MYO3A: variants seen among roughly 807,000 people sequenced by gnomAD.
The protein encoded by MYO3A is myosin IIIA.
In MYO3A, 180 loss-of-function variants were observed where a neutral mutation model predicts 192.7. The ratio of observed to expected loss-of-function variants is 0.93; its 90% confidence interval spans 0.83 to 1.06. MYO3A has a LOEUF of 1.06. MYO3A is among the 50% of genes least tolerant of loss of function. The pLI, the probability that MYO3A is intolerant of heterozygous loss-of-function variation, is 0.00. For missense variants in MYO3A, 1,896 were observed against 1,905.0 expected, an observed-to-expected ratio of 1.00 and a Z score of 0.09; for synonymous variants, 628 against 645.3, an observed-to-expected ratio of 0.97 and a Z score of 0.41.
At chr10:26,191,044 T>C (rs547034738) in intron 31 of MYO3A, among the ~76,000 whole-genome samples, 1 of 152,346 alleles carries the variant, frequency 6.6e-6, no homozygotes, top group East Asian at 1.9e-4. Context: ...TAAATAATAT[T>C]GAAGCCAAGT....
At chr10:26,056,363 AT>A (rs1427636799) in intron 10 of MYO3A, among the ~76,000 whole-genome samples, 1 of 152,198 alleles carries the variant, frequency 6.6e-6, no homozygotes, top group African/African-American at 2.4e-5. Flanking sequence ...GGTATGATAT[AT>A]ACATAATGGG....
At chr10:26,139,764 C>T (rs953618750) in intron 20 of MYO3A, among the ~76,000 whole-genome samples, 10 of 151,964 alleles carry the variant, frequency 6.6e-5, no homozygotes, top group East Asian at 1.9e-4. Context: ...TAGCCAGGCA[C>T]GCCTGTAATC....
intron 2 of MYO3A, among the ~76,000 whole-genome samples, chr10:25,948,359 AGC>A (rs899480727): frequency 6.6e-6 from 1 of 152,212 alleles, no homozygotes; most frequent in Non-Finnish European, 1.5e-5. Context: ...AAAATCCAAA[AGC>A]TCAATATATA....
intron 4 of MYO3A, among the ~76,000 whole-genome samples, chr10:25,989,879 G>A (rs1278345372): frequency 6.6e-6 from 1 of 152,070 alleles, no homozygotes; most frequent in African/African-American, 2.4e-5. Flanking sequence ...CAGGGTGATG[G>A]GCAGGGAAAC....
chr10:26,146,744 A>G (rs1029346366), intron 22 of MYO3A, among the ~76,000 whole-genome samples: 10 of 152,244 alleles, frequency 6.6e-5, no homozygotes, highest in Non-Finnish European at 1.5e-4. Flanking sequence ...TTTTAGAAGA[A>G]CACAATTTGA....
intron 17 of MYO3A, among the ~76,000 whole-genome samples, chr10:26,098,592 G>A (rs1249459484): frequency 6.6e-6 from 1 of 152,162 alleles, no homozygotes; most frequent in Non-Finnish European, 1.5e-5. Context: ...TTTTGTATAA[G>A]GTGTAAGGAA....
At chr10:25,984,405 A>G (rs1839516396) in intron 4 of MYO3A, among the ~76,000 whole-genome samples, 1 of 152,196 alleles carries the variant, frequency 6.6e-6, no homozygotes, top group Non-Finnish European at 1.5e-5. Flanking sequence ...AACTTAAGGT[A>G]AAGGGGCCAG....
At chr10:26,019,265 T>G (rs1479072959) in intron 7 of MYO3A, among the ~76,000 whole-genome samples, 1 of 111,282 alleles carries the variant, frequency 9.0e-6, no homozygotes, top group African/African-American at 3.0e-5. Flanking sequence ...ATTTATTTAT[T>G]TATTTTTTCC....
chr10:25,947,635 C>G (rs1318093228), intron 2 of MYO3A, among the ~76,000 whole-genome samples: 2 of 152,098 alleles, frequency 1.3e-5, no homozygotes, highest in East Asian at 3.9e-4. Context: ...TCAGGTGATC[C>G]ACCCACCTCT....
chr10:26,207,670 C>T (rs574020342), intron 34 of MYO3A, among the ~76,000 whole-genome samples: 1 of 152,326 alleles, frequency 6.6e-6, no homozygotes, highest in East Asian at 1.9e-4. Context: ...GTTTTACTTA[C>T]AATAGCTTTT....
intron 3 of MYO3A, among the ~76,000 whole-genome samples, chr10:25,954,270 G>A (rs1007358747): frequency 1.3e-5 from 2 of 151,956 alleles, no homozygotes; most frequent in African/African-American, 2.4e-5. Context: ...ATATATATGC[G>A]ATTTTCTAGA....
At chr10:25,972,818 A>G (rs143276353) in intron 4 of MYO3A, among the ~76,000 whole-genome samples, 20 of 152,128 alleles carry the variant, frequency 1.3e-4, no homozygotes, top group East Asian at 5.8e-4. Flanking sequence ...CCCAGTTATT[A>G]GGCTCCACTA....
At chr10:26,031,909 T>C (rs1187282091) in intron 10 of MYO3A, among the ~76,000 whole-genome samples, 3 of 152,240 alleles carry the variant, frequency 2.0e-5, no homozygotes, top group Non-Finnish European at 2.9e-5. Context: ...AAAGAAAATA[T>C]CTAATCCAGC....
At chr10:26,128,795 G>T (rs187498455) in intron 20 of MYO3A, among the ~76,000 whole-genome samples, 4 of 152,294 alleles carry the variant, frequency 2.6e-5, no homozygotes, top group African/African-American at 7.2e-5. Context: ...AGAATTCTGA[G>T]CCTTTGTAAA....
At chr10:26,122,175 A>T (rs1474368609) in intron 18 of MYO3A, among the ~76,000 whole-genome samples, 2 of 152,216 alleles carry the variant, frequency 1.3e-5, no homozygotes, top group African/African-American at 4.8e-5. Context: ...TGCAATAGAG[A>T]TAGGTTGTAG....
At chr10:26,124,766 A>AT (rs1295869235) in intron 18 of MYO3A, among the ~76,000 whole-genome samples, 1 of 152,228 alleles carries the variant, frequency 6.6e-6, no homozygotes, top group Non-Finnish European at 1.5e-5. Context: ...TAAATTCCCC[A>AT]TGAAATGTAA....
chr10:26,184,877 G>A (rs1842789283), intron 31 of MYO3A, among the ~76,000 whole-genome samples: 1 of 152,166 alleles, frequency 6.6e-6, no homozygotes, highest in Non-Finnish European at 1.5e-5. Flanking sequence ...TTGTAATTAA[G>A]GGGTTAGGAT....
At chr10:26,122,301 A>G (rs990347135) in intron 18 of MYO3A, among the ~76,000 whole-genome samples, 2 of 152,258 alleles carry the variant, frequency 1.3e-5, no homozygotes, top group Non-Finnish European at 2.9e-5. Flanking sequence ...TAATATGAAT[A>G]TCATTAAAAT....
chr10:26,129,887 A>T (rs570901204), intron 20 of MYO3A, among the ~76,000 whole-genome samples: 1 of 152,288 alleles, frequency 6.6e-6, no homozygotes, highest in Admixed American at 6.5e-5. Context: ...CAAGTAAAAA[A>T]TTTTTGGTTT....
Sources: gnomAD v4.1 joint callset for allele counts (sites outside exome capture counted in the v4.1 genomes callset) on GRCh38, gnomAD v4.1.1 for gene constraint, MANE v1.5 for transcripts, NCBI Gene and HGNC (gene_info 2026-07-23, HGNC 2026-07-21) for gene names.